Variants in TFCP2L1 observed in about 807,000 individuals in gnomAD.
The protein encoded by TFCP2L1 is transcription factor CP2 like 1.
In TFCP2L1, 12 loss-of-function variants were observed where a neutral mutation model predicts 72.2. The observed-to-expected ratio is 0.17, with a 90% CI of 0.11 to 0.27. TFCP2L1 has a LOEUF of 0.27. TFCP2L1 is among the 10% of genes least tolerant of loss of function. The pLI, the probability that TFCP2L1 is intolerant of heterozygous loss-of-function variation, is 1.00. For synonymous variants in TFCP2L1, 260 were observed against 251.0 expected (o/e 1.04, Z -0.34); for missense variants, 488 against 624.6 (o/e 0.78, Z 2.33).
At chr2:121,283,479 A>G (rs1687305334) in intron 1 of TFCP2L1, among the ~76,000 whole-genome samples, 1 of 152,190 alleles carries the variant, frequency 6.6e-6, no homozygotes, top group African/African-American at 2.4e-5. Flanking sequence ...TGGTCCCCCG[A>G]TGACCCCAGA....
intron 2 of TFCP2L1, among the ~76,000 whole-genome samples, chr2:121,266,141 A>T (rs1177425347): frequency 1.5e-5 from 2 of 131,964 alleles, no homozygotes; most frequent in South Asian, 2.7e-4. Context: ...GCTGGGATTT[A>T]ATCTTTTTTT....
Position 121,220,353 on chromosome 2 carries a change from T to C in TFCP2L1, c.*3988A>G, listed in dbSNP as rs956141222. On this transcript the variant is annotated 3_prime_UTR_variant, in exon 15 of 15. Transcript: ENST00000263707. ...CCCCATCCTGTCCTTTCCACAGGCATACCATGCCCCTCCTCCAGCAAACCT... is the reference window on the plus strand; with the variant it reads ...CCCCATCCTGTCCTTTCCACAGGCACACCATGCCCCTCCTCCAGCAAACCT... The C allele has an allele frequency of 1.3e-5, 2 of 152,352 alleles. No individual in the cohort carries two copies. The highest frequency in any genetic ancestry group is 6.5e-5 in the Admixed American group (1 of 15,296). 9.4% of individuals were successfully genotyped at this position (152,352 alleles called of 1,614,324 possible). A position where few individuals can be genotyped will look rare whatever the true frequency, so the allele number is the denominator to read the frequency against.
intron 2 of TFCP2L1, among the ~76,000 whole-genome samples, chr2:121,269,314 G>C (rs947270945): frequency 2.0e-5 from 3 of 151,840 alleles, no homozygotes; most frequent in Non-Finnish European, 4.4e-5. Flanking sequence ...CAGGCTTGGT[G>C]GCGGCCATTT....
At chr2:121,230,294 C>T (rs1056227015) in intron 13 of TFCP2L1, among the ~76,000 whole-genome samples, 6 of 152,316 alleles carry the variant, frequency 3.9e-5, no homozygotes, top group African/African-American at 1.4e-4. Flanking sequence ...GCCTCAGCCT[C>T]CCGAGTACCT....
At chr2:121,235,199 T>G (rs1375882870) in intron 11 of TFCP2L1, 22 bp downstream of exon 11, 1 of 1,613,962 alleles carries the variant, frequency 6.2e-7, no homozygotes, top group Non-Finnish European at 8.5e-7. Flanking sequence ...CTGGCTGGCT[T>G]CACAGAGAAA....
rs144192362 is a variant in TFCP2L1 at position 121,227,720 on chromosome 2, TACACAC to T, written c.1342-2113_1342-2108del. On this transcript the variant is annotated intron_variant, in intron 13 of 14. Coordinates refer to ENST00000263707, the MANE Select transcript of TFCP2L1 (RefSeq NM_014553.3). ...TAAAATAAAATATATAAACATACAA[TACACAC>T]ACACACACACACACACACACACACA... Among the ~76,000 whole-genome samples, 957 of 147,418 alleles carry T rather than the reference TACACAC, an allele frequency of 6.5e-3. 9 individuals are homozygous for T. The highest frequency in any genetic ancestry group is 0.014 in the African/African-American group (576 of 39,836).
In TFCP2L1 at chr2:121,235,254, T is replaced by C; in HGVS notation, c.1061A>G (p.Asp354Gly). The C allele has an allele frequency of 6.2e-7, 1 of 1,614,064 alleles. No homozygotes were observed. ...GATGGCGTTGAAGAGCCGGATCCCA[T>C]CTGCGGGACCACAGATCTGGACCAA... ...DDLVQICGPA[D>G]GIRLFNAIKG... is the part of the protein sequence containing the mutation. The change falls in exon 11 of 15, where the codon GAT (aspartate) becomes GGT (glycine). Residue 354 changes from aspartate (D) to glycine (G), a missense_variant. Coordinates refer to ENST00000263707, the MANE Select transcript of TFCP2L1 (RefSeq NM_014553.3).
chr2:121,241,805 G>A (rs1686374220), intron 7 of TFCP2L1, among the ~76,000 whole-genome samples: 1 of 151,980 alleles, frequency 6.6e-6, no homozygotes, highest in African/African-American at 2.4e-5. Context: ...CCATGCAGCT[G>A]GGTAAGGAAC....
intron 2 of TFCP2L1, 119 bp downstream of exon 2, chr2:121,281,001 G>A (rs936118373): frequency 2.6e-5 from 34 of 1,327,100 alleles, no homozygotes; most frequent in South Asian, 6.7e-5. Flanking sequence ...TCTCTTTCCC[G>A]AGCCCGACCT....
intron 7 of TFCP2L1, among the ~76,000 whole-genome samples, chr2:121,241,120 T>C (rs1338252932): frequency 6.6e-6 from 1 of 152,080 alleles, no homozygotes; most frequent in Non-Finnish European, 1.5e-5. Flanking sequence ...CACCAATCAG[T>C]CAGCCTGACT....
intron 2 of TFCP2L1, among the ~76,000 whole-genome samples, chr2:121,270,416 C>A (rs1327676392): frequency 1.3e-5 from 2 of 152,194 alleles, no homozygotes; most frequent in East Asian, 1.9e-4. Context: ...CACTGGAAGG[C>A]AATCCGGCAG....
chr2:121,263,469 CAAAAAAAAAAA>C (rs10603088), intron 2 of TFCP2L1, among the ~76,000 whole-genome samples: 1 of 67,516 alleles, frequency 1.5e-5, no homozygotes, highest in Non-Finnish European at 2.9e-5. Flanking sequence ...CTGTTTTTGG[CAAAAAAAAAAA>C]AAAAAAAAAA....
intron 12 of TFCP2L1, 57 bp from the exon 13 acceptor site, chr2:121,232,025 C>G: frequency 6.5e-7 from 1 of 1,529,182 alleles, no homozygotes; most frequent in Non-Finnish European, 8.8e-7. Context: ...CAGTGTGAGC[C>G]TCCCACCCGC....
chr2:121,285,157 C>A lies in TFCP2L1; in HGVS notation c.-48G>T. 3 of 1,416,572 alleles carry A rather than the reference C, an allele frequency of 2.1e-6. No individual in the cohort carries two copies. The highest frequency in any genetic ancestry group is 9.2e-7 in the Non-Finnish European group (1 of 1,081,314). The allele number at this position is 1,416,572 out of a possible 1,614,324, so 87.8% of individuals were successfully genotyped here. On this transcript the variant is annotated 5_prime_UTR_variant, in exon 1 of 15. Coordinates refer to ENST00000263707, the MANE Select transcript of TFCP2L1 (RefSeq NM_014553.3). ...ACCGGGGCGCGGCAGCAAGCGCAGA[C>A]GCGGGGCGCGCCGAGGACCCAGCGG...
intron 8 of TFCP2L1, among the ~76,000 whole-genome samples, chr2:121,238,391 C>T (rs147211053): frequency 1.3e-5 from 2 of 152,230 alleles, no homozygotes; most frequent in East Asian, 3.9e-4. Flanking sequence ...TGTTCTCTCC[C>T]GAGAGGGGGT....
At chr2:121,264,011 A>G (rs1292913872) in intron 2 of TFCP2L1, among the ~76,000 whole-genome samples, 1 of 152,246 alleles carries the variant, frequency 6.6e-6, no homozygotes, top group Non-Finnish European at 1.5e-5. Flanking sequence ...AGTAAAGAGT[A>G]GAAAAACCAA....
intron 1 of TFCP2L1, among the ~76,000 whole-genome samples, chr2:121,283,291 C>T (rs1687301009): frequency 6.6e-6 from 1 of 152,066 alleles, no homozygotes; most frequent in Non-Finnish European, 1.5e-5. Context: ...AGAAGTTCTG[C>T]CAAGTGAGGA....
rs1367470855 is a variant in TFCP2L1, at chr2:121,223,598, C to G, written c.*743G>C. On this transcript the variant is annotated 3_prime_UTR_variant, in exon 15 of 15. Coordinates refer to ENST00000263707, the MANE Select transcript of TFCP2L1 (RefSeq NM_014553.3). ...TATTACCATCCCCCTAACCTCCCCA[C>G]AAAGGGCCTCAGAACTAATGTCTCT... The G allele has an allele frequency of 1.3e-5, 2 of 152,698 alleles. No individual in the cohort carries two copies. The highest frequency in any genetic ancestry group is 4.8e-5 in the African/African-American group (2 of 41,452). 9.5% of individuals were successfully genotyped at this position (152,698 alleles called of 1,614,324 possible).
chr2:121,228,895 G>A (rs1006560301), intron 13 of TFCP2L1, among the ~76,000 whole-genome samples: 3 of 151,600 alleles, frequency 2.0e-5, no homozygotes, highest in Admixed American at 6.6e-5. Context: ...GTATGGCTGC[G>A]TGTTTGCTGC....
Sources: gnomAD v4.1 joint callset for allele counts (sites outside exome capture counted in the v4.1 genomes callset) on GRCh38, gnomAD v4.1.1 for gene constraint, MANE v1.5 for transcripts, NCBI Gene and HGNC (gene_info 2026-07-23, HGNC 2026-07-21) for gene names.